DNAI7: variants seen among roughly 807,000 people sequenced by gnomAD.
DNAI7 encodes dynein axonemal intermediate chain 7, also known as cancer susceptibility 1.
A neutral mutation model predicts 86.6 loss-of-function variants in DNAI7; 78 were observed. That is an observed-to-expected ratio of 0.90 (90% CI 0.75 to 1.09). DNAI7 has a LOEUF of 1.09. Among genes scored for constraint, DNAI7 ranks in the 50% least tolerant of loss-of-function variants. The pLI is 0.00. For missense variants in DNAI7, 753 were observed against 810.2 expected (o/e 0.93, Z 0.86); for synonymous variants, 274 against 273.0 (o/e 1.00, Z -0.04).
intron 9 of DNAI7, among the ~76,000 whole-genome samples, chr12:25,127,067 TAA>T (rs999355731): frequency 6.6e-6 from 1 of 150,684 alleles, no homozygotes; most frequent in Non-Finnish European, 1.5e-5. Context: ...AGTCAATTTT[TAA>T]AAAAATTGTA....
chr12:25,123,191 T>A lies in DNAI7; in HGVS notation c.1078+20A>T. 1 of 1,487,174 alleles carries A rather than the reference T, an allele frequency of 6.7e-7. No homozygotes were observed. The highest frequency in any genetic ancestry group is 1.4e-5 in the African/African-American group (1 of 71,294). The allele number at this position is 1,487,174 out of a possible 1,614,324, so 92.1% of individuals were successfully genotyped here. ...GAAAATCTCAATAAAGTTAAATTCT[T>A]AAAATGTAATTTAGAATACCTGCTG... On this transcript the variant is annotated intron_variant, in intron 10 of 15. Transcript: ENST00000395987.
intron 3 of DNAI7, among the ~76,000 whole-genome samples, chr12:25,159,563 T>C (rs558449635): frequency 4.0e-4 from 61 of 152,312 alleles, no homozygotes; most frequent in Non-Finnish European, 7.6e-4. Flanking sequence ...TTTTAACCAA[T>C]AAGGTATGGC....
At chr12:25,122,285 C>G (rs1941427946) in intron 10 of DNAI7, among the ~76,000 whole-genome samples, 2 of 151,852 alleles carry the variant, frequency 1.3e-5, no homozygotes, top group East Asian at 3.9e-4. Context: ...TAGCAAGACC[C>G]CATCTCTATA....
In DNAI7 at chr12:25,123,208, T is replaced by C; in HGVS notation, c.1078+3A>G. On this transcript the variant is annotated splice_donor_region_variant and intron_variant, in intron 10 of 15. Coordinates refer to ENST00000395987, the MANE Select transcript of DNAI7 (RefSeq NM_018272.5). ...TAAATTCTTAAAATGTAATTTAGAA[T>C]ACCTGCTGAAACAGTTTCACTTAAT... 3.9e-6 allele frequency: 6 copies of C among 1,557,048 alleles called. No individual in the cohort carries two copies. The highest frequency in any genetic ancestry group is 5.3e-6 in the Non-Finnish European group (6 of 1,137,872).
At chr12:25,173,789 C>A (rs1948405093) in intron 2 of DNAI7, among the ~76,000 whole-genome samples, 1 of 150,848 alleles carries the variant, frequency 6.6e-6, no homozygotes, top group Non-Finnish European at 1.5e-5. Context: ...ATACACACAT[C>A]ATATATATAC....
downstream of DNAI7, chr12:25,107,759 G>T: frequency 1.9e-6 from 3 of 1,548,360 alleles, no homozygotes; most frequent in South Asian, 2.3e-5. Flanking sequence ...GTTAGCAAAA[G>T]GAATGTTTCT....
At chr12:25,130,515 C>T (rs1204786911) in intron 9 of DNAI7, among the ~76,000 whole-genome samples, 4 of 151,184 alleles carry the variant, frequency 2.6e-5, no homozygotes, top group Admixed American at 6.6e-5. Flanking sequence ...CCGGCCTGGG[C>T]GAAAGAGCGA....
intron 7 of DNAI7, among the ~76,000 whole-genome samples, chr12:25,148,817 CTCTG>C (rs1416329851): frequency 6.6e-6 from 1 of 152,118 alleles, no homozygotes; most frequent in Admixed American, 6.5e-5. Context: ...TGTCATTAGT[CTCTG>C]AGTGTTTGCT....
chr12:25,134,144 G>A (rs994172143), intron 9 of DNAI7, among the ~76,000 whole-genome samples: 5 of 151,988 alleles, frequency 3.3e-5, no homozygotes, highest in Non-Finnish European at 7.4e-5. Flanking sequence ...ATAGGCACAT[G>A]CCACCACATC....
At chr12:25,123,350 T>C (rs1039148662) in intron 9 of DNAI7, 64 bp from the exon 10 acceptor site, 3 of 1,095,242 alleles carry the variant, frequency 2.7e-6, no homozygotes, top group Non-Finnish European at 3.9e-6. Context: ...TCATTGTCTT[T>C]GTGTTCCAGT....
intron 1 of DNAI7, chr12:25,192,788 C>G (rs1047911358): frequency 1.4e-5 from 2 of 144,538 alleles, no homozygotes; most frequent in Non-Finnish European, 3.0e-5. Context: ...AAGCCGAGAT[C>G]GCGCCATTGC....
At chr12:25,156,155 T>C (rs1388492166) in intron 4 of DNAI7, among the ~76,000 whole-genome samples, 1 of 152,106 alleles carries the variant, frequency 6.6e-6, no homozygotes, top group Non-Finnish European at 1.5e-5. Flanking sequence ...AAATTATTAA[T>C]TGTATTAAAT....
At chr12:25,159,866 C>A (rs1379697112) in intron 3 of DNAI7, among the ~76,000 whole-genome samples, 1 of 152,100 alleles carries the variant, frequency 6.6e-6, no homozygotes, top group African/African-American at 2.4e-5. Flanking sequence ...AAACCTCTAT[C>A]TAAATACTCA....
At chr12:25,164,301 G>C (rs1456924677) in intron 2 of DNAI7, among the ~76,000 whole-genome samples, 1 of 150,842 alleles carries the variant, frequency 6.6e-6, no homozygotes, top group Non-Finnish European at 1.5e-5. Flanking sequence ...TTCTCTCCGT[G>C]TCTCTACCCC....
At position 25,119,238 on chromosome 12, in the gene DNAI7, C is replaced by T; in HGVS notation, c.1303G>A (p.Glu435Lys). The T allele has an allele frequency of 6.2e-7, 1 of 1,612,122 alleles. No individual in the cohort carries two copies. Among genetic ancestry groups the T allele is most frequent in the South Asian group, 1.1e-5 (1 of 90,938 alleles). Residue 435 changes from glutamate (E) to lysine (K), a missense_variant, in exon 12 of 16, where the codon GAA (glutamate) becomes AAA (lysine). Glu to Lys is a moderately conservative substitution (Grantham distance 56). Coordinates refer to ENST00000395987, the MANE Select transcript of DNAI7 (RefSeq NM_018272.5). The part of the protein sequence containing the change: ...PPETTEEFET[E>K]NAFPPIEVTL... ...ACCTCTATAGGTGGGAAAGCATTTT[C>T]TGTCTCAAACTCTTCTGTAGTTTCC...
At chr12:25,190,214 A>T (rs1439302772) in intron 2 of DNAI7, among the ~76,000 whole-genome samples, 1 of 152,190 alleles carries the variant, frequency 6.6e-6, no homozygotes, top group Non-Finnish European at 1.5e-5. Context: ...GTTACCATGC[A>T]ACCCATTTAA....
At chr12:25,143,648 T>C (rs1944480364) in intron 9 of DNAI7, among the ~76,000 whole-genome samples, 1 of 152,266 alleles carries the variant, frequency 6.6e-6, no homozygotes, top group African/African-American at 2.4e-5. Flanking sequence ...AATCCTTTCC[T>C]GTGTTTAAAG....
At chr12:25,178,146 T>C (rs377233688) in intron 2 of DNAI7, among the ~76,000 whole-genome samples, 261 of 152,328 alleles carry the variant, frequency 1.7e-3, no homozygotes, top group African/African-American at 6.0e-3. Flanking sequence ...TTCCCCCTTT[T>C]GTCATGCTCT....
At chr12:25,162,641 C>G (rs1185727628) in intron 2 of DNAI7, among the ~76,000 whole-genome samples, 1 of 152,212 alleles carries the variant, frequency 6.6e-6, no homozygotes, top group Non-Finnish European at 1.5e-5. Flanking sequence ...CCACTGGAAT[C>G]TCTAATCCAT....
Sources: gnomAD v4.1 joint callset for allele counts (sites outside exome capture counted in the v4.1 genomes callset) on GRCh38, gnomAD v4.1.1 for gene constraint, MANE v1.5 for transcripts, NCBI Gene and HGNC (gene_info 2026-07-23, HGNC 2026-07-21) for gene names.